The following TSHZ2 variants were observed in gnomAD, a reference collection of about 807,000 sequenced individuals.
TSHZ2 encodes the protein teashirt zinc finger homeobox 2, also known as teashirt homolog 2.
In TSHZ2, 21 loss-of-function variants were observed where a neutral mutation model predicts 74.4. The observed-to-expected ratio is 0.28, with a 90% confidence interval of 0.20 to 0.41. The LOEUF is 0.41. Among genes scored for constraint, TSHZ2 ranks in the 10% least tolerant of loss-of-function variants. The probability of loss-of-function intolerance (pLI) is 1.00; values close to 1 mark genes in which losing one functional copy is unlikely to be tolerated. For missense variants in TSHZ2, 1,244 were observed against 1,293.5 expected, an observed-to-expected ratio of 0.96 and a Z score of 0.59; for synonymous variants, 540 against 515.3, an observed-to-expected ratio of 1.05 and a Z score of -0.65.
intron 1 of TSHZ2, among the ~76,000 whole-genome samples, chr20:53,163,040 A>G (rs1002586150): frequency 6.6e-6 from 1 of 152,260 alleles, no homozygotes; most frequent in African/African-American, 2.4e-5. Context: ...TAGTCCTACT[A>G]TACAGAGGAA....
chr20:53,052,724 C>G (rs1480961351), intron 1 of TSHZ2, among the ~76,000 whole-genome samples: 1 of 152,170 alleles, frequency 6.6e-6, no homozygotes, highest in Non-Finnish European at 1.5e-5. Context: ...ACTTCCACCT[C>G]TTGGCTATTA....
At chr20:53,186,027 A>G (rs1988588629) in intron 1 of TSHZ2, among the ~76,000 whole-genome samples, 1 of 152,194 alleles carries the variant, frequency 6.6e-6, no homozygotes. Context: ...GCCCTGCTGC[A>G]AACGCTTCCA....
chr20:53,310,161 G>A (rs553057635), intron 2 of TSHZ2, among the ~76,000 whole-genome samples: 3 of 152,200 alleles, frequency 2.0e-5, no homozygotes, highest in Non-Finnish European at 4.4e-5. Context: ...TGCCTTTGCA[G>A]GTCAGCTAGT....
rs989188272 is a variant in TSHZ2 at position 53,107,935 on chromosome 20, G to A, written c.40+134602G>A. Among the ~76,000 whole-genome samples the A allele has an allele frequency of 2.6e-5, 4 of 152,308 alleles. No homozygotes were observed. The East Asian group carries it at 5.8e-4, about 22-fold the overall frequency. On this transcript the variant is annotated intron_variant, in intron 1 of 2. Transcript: ENST00000371497. ...GCACCCTCTAATTTCTTAAAGGCAGGTCCTGCACTTCTTACCAGAACAATT... is the reference window on the plus strand; with the variant it reads ...GCACCCTCTAATTTCTTAAAGGCAGATCCTGCACTTCTTACCAGAACAATT...
chr20:53,296,035 CAAAA>C (rs35311773), intron 2 of TSHZ2, among the ~76,000 whole-genome samples: 4 of 97,880 alleles, frequency 4.1e-5, no homozygotes, highest in Non-Finnish European at 6.7e-5. Context: ...GTAATGACTG[CAAAA>C]AAAAAAAAAA....
At chr20:53,141,488 A>G (rs1987400772) in intron 1 of TSHZ2, among the ~76,000 whole-genome samples, 1 of 152,206 alleles carries the variant, frequency 6.6e-6, no homozygotes, top group Non-Finnish European at 1.5e-5. Context: ...CAATTTATTG[A>G]CAGATGTTTG....
chr20:53,306,732 C>T (rs79873714), intron 2 of TSHZ2, among the ~76,000 whole-genome samples: 3,361 of 152,270 alleles, frequency 0.022, 63 homozygotes, highest in Non-Finnish European at 0.037. Context: ...GAGAAGTTTT[C>T]TAATTTGGGT....
intron 2 of TSHZ2, among the ~76,000 whole-genome samples, chr20:53,381,308 G>A (rs796775738): frequency 9.2e-5 from 14 of 152,228 alleles, no homozygotes; most frequent in African/African-American, 2.6e-4. Flanking sequence ...CCTCACATAC[G>A]AAAGGTAGAA....
At chr20:53,014,378 A>G (rs975991303) in intron 1 of TSHZ2, among the ~76,000 whole-genome samples, 1 of 152,212 alleles carries the variant, frequency 6.6e-6, no homozygotes, top group Non-Finnish European at 1.5e-5. Context: ...TGGTGGGGAC[A>G]TAATTCAGTC....
intron 2 of TSHZ2, among the ~76,000 whole-genome samples, chr20:53,362,449 G>T (rs775260835): frequency 6.6e-6 from 1 of 152,114 alleles, no homozygotes; most frequent in Non-Finnish European, 1.5e-5. Context: ...CTCCCAAAGT[G>T]CTGGAATTAC....
chr20:53,306,342 T>A (rs1304498110), intron 2 of TSHZ2, among the ~76,000 whole-genome samples: 1 of 152,124 alleles, frequency 6.6e-6, no homozygotes, highest in Non-Finnish European at 1.5e-5. Context: ...CACACCTAGA[T>A]GAAAGTGAGG....
intron 1 of TSHZ2, among the ~76,000 whole-genome samples, chr20:53,171,184 T>C (rs968504413): frequency 6.6e-6 from 1 of 152,234 alleles, no homozygotes; most frequent in African/African-American, 2.4e-5. Context: ...CAACAGAACC[T>C]GTCATAAAAT....
chr20:53,248,497 A>G (rs1233523909), intron 1 of TSHZ2, among the ~76,000 whole-genome samples: 1 of 152,174 alleles, frequency 6.6e-6, no homozygotes, highest in Non-Finnish European at 1.5e-5. Context: ...TTCTTCTCCA[A>G]TAATATTTCT....
At chr20:53,097,031 ACT>A in intron 1 of TSHZ2, among the ~76,000 whole-genome samples, 1 of 152,304 alleles carries the variant, frequency 6.6e-6, no homozygotes, top group East Asian at 1.9e-4. Flanking sequence ...ATTGCAGAGG[ACT>A]GTCCTGTGTG....
At chr20:53,379,989 T>G (rs1040087157) in intron 2 of TSHZ2, among the ~76,000 whole-genome samples, 4 of 152,206 alleles carry the variant, frequency 2.6e-5, no homozygotes, top group African/African-American at 9.7e-5. Context: ...ACTTTCATCC[T>G]GCCAAAAACT....
rs1990406065 is a variant in TSHZ2, at chr20:53,254,220, C to T, written c.762C>T (p.Ser254=). 3 of 1,614,018 alleles carry T rather than the reference C, an allele frequency of 1.9e-6. No individual in the cohort carries two copies. The highest frequency in any genetic ancestry group is 2.5e-6 in the Non-Finnish European group (3 of 1,180,052). The change falls in exon 2 of 3, where the codon AGC becomes AGT. Residue 254 remains serine (S), a synonymous_variant. Coordinates refer to ENST00000371497, the MANE Select transcript of TSHZ2 (RefSeq NM_173485.6). ...NRKKDKLRPT[S]YSKPRKRAFQ... ...AAAAGGACAAGCTCAGACCCACGAG[C>T]TATTCAAAGCCCAGGAAAAGGGCTT...
chr20:53,279,142 G>A (rs1991004907), intron 2 of TSHZ2, among the ~76,000 whole-genome samples: 1 of 152,202 alleles, frequency 6.6e-6, no homozygotes, highest in Non-Finnish European at 1.5e-5. Context: ...TTCACATTGA[G>A]TAGGCTGAGA....
chr20:53,063,521 C>T (rs1984884089), intron 1 of TSHZ2, among the ~76,000 whole-genome samples: 1 of 152,174 alleles, frequency 6.6e-6, no homozygotes, highest in African/African-American at 2.4e-5. Flanking sequence ...ACTACTTTCA[C>T]ACTCATCCCC....
chr20:53,319,365 AC>A (rs1256488207), intron 2 of TSHZ2, among the ~76,000 whole-genome samples: 1 of 152,222 alleles, frequency 6.6e-6, no homozygotes, highest in African/African-American at 2.4e-5. Context: ...CTCACAAGAA[AC>A]CTTTAAGTTA....
Sources: allele counts gnomAD v4.1 joint callset (sites outside exome capture counted in the v4.1 genomes callset), GRCh38; gene constraint gnomAD v4.1.1; transcripts MANE v1.5; gene names NCBI Gene and HGNC (gene_info 2026-07-23, HGNC 2026-07-21).